TENM3: variants seen among roughly 807,000 people sequenced by gnomAD.
TENM3 encodes teneurin-3.
In TENM3, 63 loss-of-function variants were observed where a neutral mutation model predicts 255.1. That is an observed-to-expected ratio of 0.25 (90% CI 0.20 to 0.30). The LOEUF (loss-of-function observed/expected upper bound fraction) is 0.30. Among genes scored for constraint, TENM3 ranks in the 10% least tolerant of loss-of-function variants. TENM3 has a pLI of 1.00. For synonymous variants in TENM3, 1,306 were observed against 1,322.3 expected, an observed-to-expected ratio of 0.99 and a Z score of 0.27; for missense variants, 2,929 against 3,461.1, an observed-to-expected ratio of 0.85 and a Z score of 3.86.
chr4:181,458,514 A>T, the TENM3 span, among the ~76,000 whole-genome samples: 1 of 151,902 alleles, frequency 6.6e-6, no homozygotes. Flanking sequence ...ATGCGTGCGT[A>T]GTAGCTACCT....
At chr4:182,414,170 T>C (rs958894122) in intron 3 of TENM3, among the ~76,000 whole-genome samples, 1 of 152,232 alleles carries the variant, frequency 6.6e-6, no homozygotes, top group Non-Finnish European at 1.5e-5. Context: ...GGCAACTATA[T>C]AAAAGTAACA....
intron 5 of TENM3, among the ~76,000 whole-genome samples, chr4:182,651,684 G>T (rs1002485218): frequency 6.7e-6 from 1 of 149,486 alleles, no homozygotes; most frequent in Non-Finnish European, 1.5e-5. Context: ...GTGACAGAGC[G>T]AGACTCCGTC....
At chr4:182,713,346 C>T (rs1758901559) in intron 12 of TENM3, among the ~76,000 whole-genome samples, 1 of 152,192 alleles carries the variant, frequency 6.6e-6, no homozygotes, top group Admixed American at 6.5e-5. Flanking sequence ...ACAGCTATTA[C>T]ATTTAGTTGG....
chr4:182,421,550 G>C (rs1193899422), intron 3 of TENM3, among the ~76,000 whole-genome samples: 1 of 152,144 alleles, frequency 6.6e-6, no homozygotes. Flanking sequence ...ACTTACTTCT[G>C]TTAGTAAATG....
At chr4:182,775,510 T>C (rs1351663559) in intron 24 of TENM3, among the ~76,000 whole-genome samples, 1 of 152,212 alleles carries the variant, frequency 6.6e-6, no homozygotes, top group African/African-American at 2.4e-5. Flanking sequence ...CTCTTTGTTC[T>C]GCTGAGCCCC....
chr4:182,655,354 T>TGTTC (rs1317876470), intron 6 of TENM3, among the ~76,000 whole-genome samples: 1 of 152,158 alleles, frequency 6.6e-6, no homozygotes, highest in African/African-American at 2.4e-5. Context: ...GATATTGTAT[T>TGTTC]TATTTTACAA....
rs953279481 is a variant in TENM3, at chr4:182,284,475, G to T, written c.-75-39471G>T. ...GTACTGGTCAGCATTATAATAAAAG[G>T]TAACTTTGTGGTGTTTTCAGCGTAT... On this transcript the variant is annotated intron_variant, in intron 1 of 27. Transcript: ENST00000511685. 2.6e-5 allele frequency among the ~76,000 whole-genome samples: 4 copies of T among 152,284 alleles called. No individual in the cohort carries two copies. The East Asian group carries it at 7.7e-4, about 29-fold the overall frequency.
At chr4:182,111,362 G>A in the TENM3 span, among the ~76,000 whole-genome samples, 3 of 152,042 alleles carry the variant, frequency 2.0e-5, no homozygotes, top group Admixed American at 1.3e-4. Context: ...CTCACTCACT[G>A]AGGCCTTTTA....
the TENM3 span, among the ~76,000 whole-genome samples, chr4:181,933,507 C>T: frequency 6.6e-6 from 1 of 152,126 alleles, no homozygotes; most frequent in African/African-American, 2.4e-5. Flanking sequence ...CCCACACCCC[C>T]ATCCAGCACC....
At chr4:181,580,454 GTC>G in the TENM3 span, among the ~76,000 whole-genome samples, 5 of 152,166 alleles carry the variant, frequency 3.3e-5, no homozygotes, top group Admixed American at 3.3e-4. Context: ...AGAGTGGGGA[GTC>G]TCTGTGCAAA....
At chr4:181,740,827 T>G in the TENM3 span, among the ~76,000 whole-genome samples, 7 of 152,172 alleles carry the variant, frequency 4.6e-5, no homozygotes, top group African/African-American at 1.7e-4. Context: ...GAGAACATGT[T>G]GCTTCCACAC....
chr4:182,048,653 T>C, the TENM3 span, among the ~76,000 whole-genome samples: 1 of 152,160 alleles, frequency 6.6e-6, no homozygotes, highest in African/African-American at 2.4e-5. Context: ...CTTTTTTCTT[T>C]TTACATATGT....
chr4:181,850,988 G>A, the TENM3 span, among the ~76,000 whole-genome samples: 1 of 149,744 alleles, frequency 6.7e-6, no homozygotes, highest in African/African-American at 2.5e-5. Context: ...GGAGGGGACA[G>A]ACGGGATAAA....
chr4:181,456,991 T>G, the TENM3 span, among the ~76,000 whole-genome samples: 42 of 151,932 alleles, frequency 2.8e-4, 1 homozygote, highest in African/African-American at 8.7e-4. Flanking sequence ...GAGAAATTTT[T>G]CCACATCTAA....
chr4:181,640,157 G>A, the TENM3 span, among the ~76,000 whole-genome samples: 3 of 152,130 alleles, frequency 2.0e-5, no homozygotes, highest in African/African-American at 7.2e-5. Flanking sequence ...TGGACCAACA[G>A]CAGCATCACC....
intron 3 of TENM3, among the ~76,000 whole-genome samples, chr4:182,432,846 T>TTTTGTGTGTGTGTGTGTGTGTGTGTG (rs1554066032): frequency 2.3e-4 from 2 of 8,598 alleles, no homozygotes; most frequent in Non-Finnish European, 9.6e-4. Flanking sequence ...GGGAATGGAT[T>TTTTGTGTGTGTGTGTGTGTGTGTGTG]TGGGTGTGTG....
the TENM3 span, among the ~76,000 whole-genome samples, chr4:182,059,009 G>C: frequency 6.7e-6 from 1 of 148,966 alleles, no homozygotes; most frequent in Non-Finnish European, 1.5e-5. Context: ...TGACTAAGCA[G>C]AAAGAGATCA....
chr4:181,823,659 T>G, the TENM3 span, among the ~76,000 whole-genome samples: 1 of 152,102 alleles, frequency 6.6e-6, no homozygotes, highest in African/African-American at 2.4e-5. Context: ...ATGATGGGGG[T>G]AAAAACCAAT....
At chr4:182,522,591 T>C (rs1049358429) in intron 3 of TENM3, among the ~76,000 whole-genome samples, 28 of 152,248 alleles carry the variant, frequency 1.8e-4, no homozygotes, top group Non-Finnish European at 4.4e-5. Flanking sequence ...AATTTATTTG[T>C]TTTAAATTTT....
Sources: gnomAD v4.1 joint callset for allele counts (sites outside exome capture counted in the v4.1 genomes callset) on GRCh38, gnomAD v4.1.1 for gene constraint, MANE v1.5 for transcripts, NCBI Gene and HGNC (gene_info 2026-07-23, HGNC 2026-07-21) for gene names.